Variants in LSAMP observed in about 807,000 individuals in gnomAD.
LSAMP encodes the protein limbic system-associated membrane protein.
A neutral mutation model predicts 38.6 loss-of-function variants in LSAMP; 7 were observed. The ratio of observed to expected loss-of-function variants is 0.18; its 90% CI spans 0.10 to 0.34. The LOEUF (loss-of-function observed/expected upper bound fraction) is 0.34. Among genes scored for constraint, LSAMP ranks in the 10% least tolerant of loss-of-function variants. The pLI is 1.00. For missense variants in LSAMP, 313 were observed against 420.0 expected, an observed-to-expected ratio of 0.75 and a Z score of 2.23; for synonymous variants, 154 against 166.8, an observed-to-expected ratio of 0.92 and a Z score of 0.59.
intron 3 of LSAMP, among the ~76,000 whole-genome samples, chr3:115,996,311 G>A (rs1479579696): frequency 6.6e-6 from 1 of 152,114 alleles, no homozygotes; most frequent in Non-Finnish European, 1.5e-5. Context: ...TTGGATGGTA[G>A]AATAGCATCC....
At chr3:115,902,213 A>G (rs2107485097) in intron 3 of LSAMP, among the ~76,000 whole-genome samples, 1 of 152,220 alleles carries the variant, frequency 6.6e-6, no homozygotes, top group Non-Finnish European at 1.5e-5. Flanking sequence ...AGCTCATAGA[A>G]ATATATAGTA....
At chr3:116,074,388 A>G (rs1260784682) in intron 2 of LSAMP, among the ~76,000 whole-genome samples, 1 of 152,130 alleles carries the variant, frequency 6.6e-6, no homozygotes, top group African/African-American at 2.4e-5. Flanking sequence ...TTAACTATCC[A>G]ATTCCTTAGT....
At chr3:116,224,060 G>T (rs1423696740) in intron 1 of LSAMP, among the ~76,000 whole-genome samples, 3 of 151,698 alleles carry the variant, frequency 2.0e-5, no homozygotes, top group African/African-American at 7.3e-5. Context: ...CTACCTGTGG[G>T]TCTGATTCCA....
chr3:115,899,913 T>G (rs1936831617), intron 3 of LSAMP, among the ~76,000 whole-genome samples: 1 of 152,142 alleles, frequency 6.6e-6, no homozygotes, highest in Admixed American at 6.5e-5. Context: ...AAGATCGTCT[T>G]CCTGATGACC....
chr3:116,440,163 A>G (rs2049414348), intron 1 of LSAMP, among the ~76,000 whole-genome samples: 2 of 152,228 alleles, frequency 1.3e-5, no homozygotes, highest in Admixed American at 6.5e-5. Flanking sequence ...CATTGAGAGA[A>G]AAACAGGGCC....
At chr3:115,916,892 G>A (rs1446857671) in intron 3 of LSAMP, among the ~76,000 whole-genome samples, 1 of 152,194 alleles carries the variant, frequency 6.6e-6, no homozygotes, top group Non-Finnish European at 1.5e-5. Flanking sequence ...GGGGAGGATA[G>A]AAATAGAAAG....
intron 1 of LSAMP, among the ~76,000 whole-genome samples, chr3:116,289,944 C>T (rs2047243145): frequency 6.6e-6 from 1 of 152,208 alleles, no homozygotes; most frequent in African/African-American, 2.4e-5. Flanking sequence ...GAACTAGTTA[C>T]TTGCCTCATC....
At chr3:115,871,461 G>C (rs2107396326) in intron 3 of LSAMP, among the ~76,000 whole-genome samples, 1 of 152,166 alleles carries the variant, frequency 6.6e-6, no homozygotes, top group South Asian at 2.1e-4. Context: ...AGGAAAGGCA[G>C]AGTCAGAGGA....
chr3:115,958,697 T>C (rs1431885378), intron 3 of LSAMP, among the ~76,000 whole-genome samples: 1 of 152,162 alleles, frequency 6.6e-6, no homozygotes, highest in African/African-American at 2.4e-5. Flanking sequence ...CACAGATTGC[T>C]TGAACATATG....
rs187918921 is a variant in LSAMP at position 115,934,322 on chromosome 3, C to T, written c.515-81705G>A. ...GCCTCCCAATAGGTTGGATTACAGG[C>T]GCCCGCCACCATGCCCGGCTAATTT... On this transcript the variant is annotated intron_variant, in intron 3 of 6. Coordinates refer to ENST00000490035, the MANE Select transcript of LSAMP (RefSeq NM_002338.5). Among the ~76,000 whole-genome samples the T allele has an allele frequency of 5.6e-3, 847 of 151,874 alleles. 5 individuals carry two copies. The highest frequency in any genetic ancestry group is 8.6e-3 in the Non-Finnish European group (581 of 67,938).
chr3:116,107,861 G>T (rs1415363069), intron 1 of LSAMP, among the ~76,000 whole-genome samples: 1 of 152,150 alleles, frequency 6.6e-6, no homozygotes, highest in South Asian at 2.1e-4. Flanking sequence ...GAGTATATGG[G>T]TTTGGCACCA....
rs1424187779 is a variant in LSAMP at position 116,129,741 on chromosome 3, T to TGCACATAGGAGCATATGC, written c.156-43203_156-43186dup. Among the ~76,000 whole-genome samples, 8 of 152,340 alleles carry TGCACATAGGAGCATATGC rather than the reference T, an allele frequency of 5.3e-5. No individual in the cohort carries two copies. The East Asian group carries it at 1.5e-3, about 29-fold the overall frequency. ...GAAGAATGAATGCCAGGTGGATATG[T>TGCACATAGGAGCATATGC]GCACATAGGAGCATATGCAATGTTT... On this transcript the variant is annotated intron_variant, in intron 1 of 6. Transcript: ENST00000490035.
chr3:115,965,944 G>T (rs970225759), intron 3 of LSAMP, among the ~76,000 whole-genome samples: 2 of 152,090 alleles, frequency 1.3e-5, no homozygotes, highest in African/African-American at 4.8e-5. Context: ...AACCACTGTG[G>T]CAGAAGCTGC....
At chr3:115,844,456 A>G (rs1254397538) in intron 4 of LSAMP, among the ~76,000 whole-genome samples, 1 of 152,166 alleles carries the variant, frequency 6.6e-6, no homozygotes, top group Non-Finnish European at 1.5e-5. Context: ...AAAATTGGTT[A>G]TATAGATCAT....
chr3:115,896,284 A>G (rs575788398), intron 3 of LSAMP, among the ~76,000 whole-genome samples: 1 of 152,250 alleles, frequency 6.6e-6, no homozygotes, highest in East Asian at 1.9e-4. Flanking sequence ...GTTTATGTGA[A>G]CAAAGTACAC....
intron 2 of LSAMP, among the ~76,000 whole-genome samples, chr3:116,068,307 T>C (rs1707510192): frequency 6.6e-6 from 1 of 152,202 alleles, no homozygotes; most frequent in Non-Finnish European, 1.5e-5. Flanking sequence ...CTATAAATCA[T>C]TATCTGTTCA....
rs6768516 is a variant in LSAMP at position 116,118,528 on chromosome 3, G to A, written c.156-31972C>T. Among the ~76,000 whole-genome samples, 1,269 of 152,190 alleles carry A rather than the reference G, an allele frequency of 8.3e-3. 19 individuals are homozygous for A. The highest frequency in any genetic ancestry group is 0.028 in the African/African-American group (1,175 of 41,506). On this transcript the variant is annotated intron_variant, in intron 1 of 6. Transcript: ENST00000490035. ...ACCATTCTTGTATATTTGTCTTTAG[G>A]AAAAACAAATCCCTTTACAGCAAAT...
chr3:116,245,233 G>A (rs1056040963), intron 1 of LSAMP, among the ~76,000 whole-genome samples: 9 of 152,144 alleles, frequency 5.9e-5, no homozygotes, highest in African/African-American at 1.4e-4. Flanking sequence ...CCTGCAAGAC[G>A]AGGATCATGG....
intron 6 of LSAMP, among the ~76,000 whole-genome samples, chr3:115,815,009 G>A (rs1394618773): frequency 6.6e-6 from 1 of 152,128 alleles, no homozygotes; most frequent in Non-Finnish European, 1.5e-5. Flanking sequence ...TCCTCTGGGT[G>A]AATGAACTGG....
Sources: gnomAD v4.1 joint callset for allele counts (sites outside exome capture counted in the v4.1 genomes callset) on GRCh38, gnomAD v4.1.1 for gene constraint, MANE v1.5 for transcripts, NCBI Gene and HGNC (gene_info 2026-07-23, HGNC 2026-07-21) for gene names.